The following TNKS variants were observed in gnomAD, a reference collection of about 807,000 sequenced individuals.
TNKS encodes poly [ADP-ribose] polymerase tankyrase-1.
Under a neutral mutation model 135.8 loss-of-function variants are expected in TNKS, and 72 were observed. The ratio of observed to expected loss-of-function variants is 0.53; its 90% CI spans 0.44 to 0.64. TNKS has a LOEUF of 0.64. Ranked by LOEUF, TNKS falls within the 30% of genes least tolerant of loss-of-function variation. TNKS has a pLI of 0.00. For synonymous variants in TNKS, 849 were observed against 649.3 expected (o/e 1.31, Z -4.68); for missense variants, 1,769 against 1,674.0 (o/e 1.06, Z -0.99).
rs765107918 is a variant in TNKS at position 9,748,665 on chromosome 8, G to A, written c.2832+453G>A. On this transcript the variant is annotated intron_variant, in intron 18 of 26. Coordinates refer to ENST00000310430, the MANE Select transcript of TNKS (RefSeq NM_003747.3). The stretch of plus-strand genomic sequence containing the variant: ...TCTTCCGTGAACTTTCTGAAAACCA[G>A]GGAGTTACTGTATAGTCACAGTAAT... Among the ~76,000 whole-genome samples the A allele has an allele frequency of 1.9e-4, 29 of 152,264 alleles. 1 individual carries two copies. Among genetic ancestry groups the A allele is most frequent in the Non-Finnish European group, 3.2e-4 (22 of 68,034 alleles).
chr8:9,677,652 A>T (rs956533313), intron 3 of TNKS, among the ~76,000 whole-genome samples: 7 of 152,246 alleles, frequency 4.6e-5, no homozygotes, highest in African/African-American at 1.7e-4. Flanking sequence ...GAAGTATTTT[A>T]TGTAATCACA....
At chr8:9,757,990 T>A (rs1394669789) in intron 20 of TNKS, among the ~76,000 whole-genome samples, 1 of 152,202 alleles carries the variant, frequency 6.6e-6, no homozygotes, top group African/African-American at 2.4e-5. Flanking sequence ...ATTTAACGCT[T>A]AATCATGTCC....
rs751057581 is a variant in TNKS at position 9,706,241 on chromosome 8, A to T, written c.1257A>T (p.Glu419Asp). The change falls in exon 7 of 27, where the codon GAA (glutamate) becomes GAT (aspartate). Residue 419 changes from glutamate to aspartate, a missense_variant. This residue lies in a region of TNKS where 523 missense variants were observed against 541.0 expected (regional missense o/e 0.97). Transcript: ENST00000310430. ...ACSYGHYEVT[E>D]LLLKHGACVN... ...CATATGGACATTATGAAGTCACAGA[A>T]CTGCTACTAAAGGTAAGAGAAATTC... 1.4e-5 allele frequency: 22 copies of T among 1,571,564 alleles called. No individual in the cohort carries two copies. Among genetic ancestry groups the T allele is most frequent in the Non-Finnish European group, 1.8e-5 (21 of 1,162,634 alleles).
intron 1 of TNKS, chr8:9,575,418 A>G: frequency 1.0e-6 from 1 of 985,350 alleles, no homozygotes; most frequent in Non-Finnish European, 1.2e-6. Flanking sequence ...ACTCTACCCT[A>G]CTAGATATCT....
At chr8:9,771,695 GA>G (rs1450580353) in intron 26 of TNKS, among the ~76,000 whole-genome samples, 5 of 132,124 alleles carry the variant, frequency 3.8e-5, no homozygotes, top group African/African-American at 6.3e-5. Flanking sequence ...GAGAGAGAGA[GA>G]GAGGAAGGGA....
Position 9,730,900 on chromosome 8 carries a change from G to C in TNKS, c.2012G>C (p.Ser671Thr). Residue 671 changes from serine (S) to threonine (T), a missense_variant, in exon 14 of 27, where the codon AGC (serine) becomes ACC (threonine). By Grantham distance (58) the Ser-to-Thr change is moderately conservative. Around this residue, in one of 5 missense-constraint regions of TNKS, gnomAD observed 523 missense variants for 541.0 expected, o/e 0.97. Coordinates refer to ENST00000310430, the MANE Select transcript of TNKS (RefSeq NM_003747.3). ...TGTGCACCACGAAAGCAACTTTGCA[G>C]CTCTCAAAATGTGAATTGTAGAGAC... ...GDLETVKQLC[S>T]SQNVNCRDLE... 1.2e-6 allele frequency: 2 copies of C among 1,612,706 alleles called. No individual in the cohort carries two copies. The highest frequency in any genetic ancestry group is 1.7e-6 in the Non-Finnish European group (2 of 1,179,410).
intron 20 of TNKS, among the ~76,000 whole-genome samples, chr8:9,760,762 C>T (rs1045853613): frequency 1.9e-4 from 29 of 152,172 alleles, no homozygotes; most frequent in African/African-American, 7.0e-4. Context: ...GCCAACTAAT[C>T]ATCTCCATTT....
At chr8:9,772,449 T>C (rs780677101) in intron 26 of TNKS, 13 of 453,432 alleles carry the variant, frequency 2.9e-5, no homozygotes, top group South Asian at 1.7e-4. Flanking sequence ...ATGAGGAATG[T>C]TTTACTTTTT....
chr8:9,688,633 T>C (rs1200398600), intron 5 of TNKS, among the ~76,000 whole-genome samples: 1 of 152,022 alleles, frequency 6.6e-6, no homozygotes, highest in African/African-American at 2.4e-5. Context: ...CAAGTTTTTT[T>C]TCTTTTCTTT....
At chr8:9,693,730 T>C (rs1273656013) in intron 5 of TNKS, among the ~76,000 whole-genome samples, 2 of 152,184 alleles carry the variant, frequency 1.3e-5, no homozygotes, top group African/African-American at 4.8e-5. Flanking sequence ...GAGGTAGTAC[T>C]TAAGAAAACT....
chr8:9,677,854 C>A (rs555531636), intron 3 of TNKS, among the ~76,000 whole-genome samples: 1 of 152,150 alleles, frequency 6.6e-6, no homozygotes, highest in Non-Finnish European at 1.5e-5. Flanking sequence ...GAGCTACTTA[C>A]AACCATTCCC....
At chr8:9,661,967 CA>C (rs778849886) in intron 3 of TNKS, among the ~76,000 whole-genome samples, 1 of 152,080 alleles carries the variant, frequency 6.6e-6, no homozygotes, top group Non-Finnish European at 1.5e-5. Context: ...TTTATGCAGC[CA>C]AAAAACACAT....
chr8:9,769,736 C>G (rs974651094), intron 25 of TNKS, among the ~76,000 whole-genome samples: 1 of 151,102 alleles, frequency 6.6e-6, no homozygotes, highest in Non-Finnish European at 1.5e-5. Flanking sequence ...TCTCCTGCCT[C>G]AGCCTCCCAA....
intron 11 of TNKS, among the ~76,000 whole-genome samples, chr8:9,714,550 T>C (rs577016270): frequency 3.3e-5 from 5 of 152,310 alleles, no homozygotes; most frequent in African/African-American, 9.6e-5. Context: ...TCCATAAATA[T>C]TGGCATGCAA....
chr8:9,766,438 C>T lies in TNKS; in HGVS notation c.3740+13C>T. The T allele has an allele frequency of 6.6e-7, 1 of 1,522,094 alleles. No individual in the cohort carries two copies. Among genetic ancestry groups the T allele is most frequent in the Non-Finnish European group, 8.9e-7 (1 of 1,128,846 alleles). The allele number at this position is 1,522,094 out of a possible 1,614,324, so 94.3% of individuals were successfully genotyped here. Reference sequence around the variant, plus strand: ...ATATATGTCACAGGTAAGCATCTTGCCATTAGTGTAACGTTTCCCACCCCT... The same window carrying T: ...ATATATGTCACAGGTAAGCATCTTGTCATTAGTGTAACGTTTCCCACCCCT... On this transcript the variant is annotated intron_variant, in intron 25 of 26. Coordinates refer to ENST00000310430, the MANE Select transcript of TNKS (RefSeq NM_003747.3).
intron 2 of TNKS, among the ~76,000 whole-genome samples, chr8:9,612,806 T>A (rs12335063): frequency 0.29 from 43,836 of 152,070 alleles, 6,629 homozygotes; most frequent in East Asian, 0.39. Context: ...ATTAATAGCC[T>A]ACTATTGACC....
Position 9,709,612 on chromosome 8 carries a change from T to C in TNKS, c.1579-343T>C, listed in dbSNP as rs145651697. Among the ~76,000 whole-genome samples, 13 of 152,282 alleles carry C rather than the reference T, an allele frequency of 8.5e-5. No homozygotes were observed. In the East Asian group the frequency reaches 1.7e-3, roughly 20 times the overall value. On this transcript the variant is annotated intron_variant, in intron 9 of 26. Transcript: ENST00000310430. ...GTGTGGCTGATGGCCTAATGAAAGA[T>C]TGAGTAACTTAGTTATAGATTTCTG...
chr8:9,781,639 A>G lies in TNKS; in HGVS notation c.*4903A>G, dbSNP rs1228321007. On this transcript the variant is annotated 3_prime_UTR_variant, in exon 27 of 27. Coordinates refer to ENST00000310430, the MANE Select transcript of TNKS (RefSeq NM_003747.3). ...GTAGTAATGTTTGTCTTTGATACCT[A>G]CAAACTAAAAAGGTACTTTTATCAA... 6.6e-6 allele frequency: 1 copy of G among 152,664 alleles called. No individual in the cohort carries two copies. Among genetic ancestry groups the G allele is most frequent in the East Asian group, 1.9e-4 (1 of 5,196 alleles). 9.5% of individuals were successfully genotyped at this position (152,664 alleles called of 1,614,324 possible).
intron 3 of TNKS, among the ~76,000 whole-genome samples, chr8:9,622,543 G>A (rs371494447): frequency 6.6e-6 from 1 of 152,306 alleles, no homozygotes; most frequent in South Asian, 2.1e-4. Flanking sequence ...AATTCAAGCA[G>A]TTTGGCTCCA....
Sources: allele counts gnomAD v4.1 joint callset (sites outside exome capture counted in the v4.1 genomes callset), GRCh38; gene constraint gnomAD v4.1.1; regional missense constraint gnomAD v4.1.1; transcripts MANE v1.5; gene names NCBI Gene and HGNC (gene_info 2026-07-23, HGNC 2026-07-21).